The following ARHGAP26 variants were observed in gnomAD, a reference collection of about 807,000 sequenced individuals.
The protein encoded by ARHGAP26 is Rho GTPase activating protein 26.
Under a neutral mutation model 104.8 loss-of-function variants are expected in ARHGAP26, and 38 were observed. The observed-to-expected ratio is 0.36, with a 90% CI of 0.28 to 0.48. The LOEUF is 0.48. Among genes scored for constraint, ARHGAP26 ranks in the 20% least tolerant of loss-of-function variants. The probability of loss-of-function intolerance (pLI) is 0.99; values close to 1 mark genes in which losing one functional copy is unlikely to be tolerated. For missense variants in ARHGAP26, 704 were observed against 947.9 expected (o/e 0.74, Z 3.38); for synonymous variants, 341 against 340.0 (o/e 1.00, Z -0.03).
At chr5:142,930,786 G>A (rs1170039495) in intron 10 of ARHGAP26, among the ~76,000 whole-genome samples, 3 of 152,040 alleles carry the variant, frequency 2.0e-5, no homozygotes, top group African/African-American at 7.3e-5. Flanking sequence ...GGGATGTCAA[G>A]GAATGGTTAA....
At chr5:142,921,018 CA>C (rs1763119317) in intron 10 of ARHGAP26, among the ~76,000 whole-genome samples, 1 of 152,156 alleles carries the variant, frequency 6.6e-6, no homozygotes. Context: ...ATAAAGTTTA[CA>C]AATCTGTAGG....
At chr5:142,911,564 G>A (rs1199385977) in intron 9 of ARHGAP26, among the ~76,000 whole-genome samples, 4 of 152,184 alleles carry the variant, frequency 2.6e-5, no homozygotes, top group South Asian at 4.2e-4. Flanking sequence ...TGATATCCAC[G>A]TCCCCCACTT....
At position 143,160,439 on chromosome 5, in the gene ARHGAP26, A is replaced by ATCT. The variant is rs1433516857; in HGVS notation, c.1988+13058_1988+13059insTCT. On this transcript the variant is annotated intron_variant, in intron 20 of 22. Transcript: ENST00000645722. ...TAAATGAGATGCTATTTGACAGAAG[A>ATCT]GTAAGGCCTTTACCAAGAAGTTGTT... Among the ~76,000 whole-genome samples the ATCT allele has an allele frequency of 2.5e-4, 38 of 151,294 alleles. 1 individual carries two copies. Among genetic ancestry groups the ATCT allele is most frequent in the East Asian group, 2.1e-3 (11 of 5,120 alleles).
intron 19 of ARHGAP26, among the ~76,000 whole-genome samples, chr5:143,146,617 C>G (rs1040187153): frequency 6.6e-6 from 1 of 152,154 alleles, no homozygotes. Context: ...CATTACAGAG[C>G]GATTTATCAA....
At chr5:143,141,532 T>G (rs1046210678) in intron 19 of ARHGAP26, among the ~76,000 whole-genome samples, 3 of 152,244 alleles carry the variant, frequency 2.0e-5, no homozygotes, top group Admixed American at 1.3e-4. Context: ...TATATTCACT[T>G]GGTTTTAAGT....
intron 20 of ARHGAP26, chr5:143,202,783 C>G (rs1450088614): frequency 6.6e-6 from 1 of 152,172 alleles, no homozygotes; most frequent in African/African-American, 2.4e-5. Flanking sequence ...ACATCTACAA[C>G]CATCTGATCT....
At chr5:143,217,930 C>CT (rs1810581613) in intron 22 of ARHGAP26, among the ~76,000 whole-genome samples, 1 of 152,208 alleles carries the variant, frequency 6.6e-6, no homozygotes, top group Admixed American at 6.5e-5. Flanking sequence ...CTGAGAATGA[C>CT]TTACAAGGCC....
At chr5:142,856,339 A>T (rs1752349644) in intron 1 of ARHGAP26, among the ~76,000 whole-genome samples, 1 of 152,260 alleles carries the variant, frequency 6.6e-6, no homozygotes, top group Non-Finnish European at 1.5e-5. Context: ...GCCAAGGAGG[A>T]TGTATGAGGG....
intron 11 of ARHGAP26, among the ~76,000 whole-genome samples, chr5:142,943,637 C>A (rs1431259852): frequency 6.6e-6 from 1 of 152,166 alleles, no homozygotes; most frequent in Admixed American, 6.5e-5. Flanking sequence ...ACATTTAGAC[C>A]ATAATGCCCA....
At chr5:142,909,396 G>T (rs1193234829) in intron 9 of ARHGAP26, among the ~76,000 whole-genome samples, 1 of 152,308 alleles carries the variant, frequency 6.6e-6, no homozygotes, top group South Asian at 2.1e-4. Context: ...GGTTAAAAGC[G>T]CTGGCTTTGC....
intron 10 of ARHGAP26, chr5:142,919,593 A>G (rs1203136148): frequency 4.8e-5 from 19 of 397,068 alleles, no homozygotes; most frequent in Non-Finnish European, 8.4e-5. Flanking sequence ...TCCCATTGCC[A>G]AGGAACCCCA....
intron 1 of ARHGAP26, among the ~76,000 whole-genome samples, chr5:142,865,541 A>G (rs1350282251): frequency 2.1e-5 from 3 of 145,590 alleles, no homozygotes; most frequent in African/African-American, 7.8e-5. Flanking sequence ...TGGCTGACCA[A>G]TGGTCTGTGC....
In ARHGAP26 at chr5:143,135,294, G is replaced by A. The variant is rs1195791820; in HGVS notation, c.1837+1189G>A. Among the ~76,000 whole-genome samples, 4 of 152,178 alleles carry A rather than the reference G, an allele frequency of 2.6e-5. No homozygotes were observed. In the East Asian group the frequency reaches 7.7e-4, roughly 29 times the overall value. On this transcript the variant is annotated intron_variant, in intron 19 of 22. Coordinates refer to ENST00000645722, the MANE Select transcript of ARHGAP26 (RefSeq NM_001135608.3). ...GGGTTGATGCTTTCTATTTCATGGG[G>A]TTGTTCTGAGGATTAAGGCCCTTCA... is the stretch of plus-strand genomic sequence containing the variant.
At chr5:143,126,795 A>T (rs1304018165) in intron 18 of ARHGAP26, among the ~76,000 whole-genome samples, 1 of 152,234 alleles carries the variant, frequency 6.6e-6, no homozygotes, top group African/African-American at 2.4e-5. Context: ...TTGAAAGCTC[A>T]GATGGCAAAG....
At chr5:142,982,020 C>T (rs1344248504) in intron 11 of ARHGAP26, among the ~76,000 whole-genome samples, 1 of 152,224 alleles carries the variant, frequency 6.6e-6, no homozygotes, top group Non-Finnish European at 1.5e-5. Flanking sequence ...CCTCAAGCTG[C>T]TTTTTTGCTG....
intron 1 of ARHGAP26, among the ~76,000 whole-genome samples, chr5:142,842,989 G>A (rs1269969106): frequency 6.6e-6 from 1 of 152,084 alleles, no homozygotes; most frequent in Non-Finnish European, 1.5e-5. Flanking sequence ...TGATTCAAAG[G>A]TCCCCCAAAC....
intron 17 of ARHGAP26, among the ~76,000 whole-genome samples, chr5:143,093,986 G>T (rs1026396563): frequency 1.1e-4 from 16 of 151,824 alleles, no homozygotes; most frequent in African/African-American, 3.9e-4. Context: ...GAAGTTCAAC[G>T]CCCCCCCATG....
At chr5:142,973,482 G>A (rs902733353) in intron 11 of ARHGAP26, among the ~76,000 whole-genome samples, 4 of 152,208 alleles carry the variant, frequency 2.6e-5, no homozygotes, top group African/African-American at 7.2e-5. Flanking sequence ...CTCAAAAATC[G>A]TTGAAATGTT....
intron 10 of ARHGAP26, among the ~76,000 whole-genome samples, chr5:142,920,883 C>G (rs1350093354): frequency 6.6e-6 from 1 of 152,204 alleles, no homozygotes; most frequent in African/African-American, 2.4e-5. Context: ...AACAAGAGGA[C>G]TTTACCCTTC....
Sources: allele counts gnomAD v4.1 joint callset (sites outside exome capture counted in the v4.1 genomes callset), GRCh38; gene constraint gnomAD v4.1.1; transcripts MANE v1.5; gene names NCBI Gene and HGNC (gene_info 2026-07-23, HGNC 2026-07-21).